The following ROBO2 variants were observed in gnomAD, a reference collection of about 807,000 sequenced individuals.
The protein encoded by ROBO2 is roundabout homolog 2.
In ROBO2, 53 loss-of-function variants were observed where a neutral mutation model predicts 160.8. That is an observed-to-expected ratio of 0.33 (90% CI 0.26 to 0.41). The LOEUF is 0.41. ROBO2 is among the 10% of genes least tolerant of loss of function. The pLI is 1.00. For synonymous variants in ROBO2, 664 were observed against 611.7 expected (o/e 1.09, Z -1.26); for missense variants, 1,577 against 1,722.4 (o/e 0.92, Z 1.49).
chr3:75,921,013 G>A (rs1354095838), intron 1 of ROBO2, among the ~76,000 whole-genome samples: 5 of 151,968 alleles, frequency 3.3e-5, no homozygotes, highest in African/African-American at 7.3e-5. Flanking sequence ...TTTAATTGGG[G>A]CATTTAGCCC....
intron 2 of ROBO2, among the ~76,000 whole-genome samples, chr3:76,347,430 A>T (rs2074596335): frequency 6.6e-6 from 1 of 152,062 alleles, no homozygotes. Flanking sequence ...TTAGGTGTGA[A>T]TTCTCACTTT....
At chr3:77,431,773 G>A (rs977223312) in intron 2 of ROBO2, among the ~76,000 whole-genome samples, 3 of 152,160 alleles carry the variant, frequency 2.0e-5, no homozygotes, top group East Asian at 1.9e-4. Flanking sequence ...TAGAGAAAGT[G>A]TTGACAGTGT....
chr3:76,666,466 C>T (rs1387429271), intron 2 of ROBO2, among the ~76,000 whole-genome samples: 1 of 151,960 alleles, frequency 6.6e-6, no homozygotes, highest in Non-Finnish European at 1.5e-5. Context: ...TTATATCGAA[C>T]AGTAAAACAT....
At chr3:76,682,661 C>A (rs1383236926) in intron 2 of ROBO2, among the ~76,000 whole-genome samples, 3 of 152,122 alleles carry the variant, frequency 2.0e-5, no homozygotes, top group African/African-American at 4.8e-5. Context: ...CTGCCTCTGC[C>A]TCCCAAAGTG....
intron 2 of ROBO2, among the ~76,000 whole-genome samples, chr3:75,988,337 T>TA (rs1453244820): frequency 6.6e-6 from 1 of 152,136 alleles, no homozygotes; most frequent in African/African-American, 2.4e-5. Context: ...ATAGTACTCT[T>TA]ATAATACTTT....
intron 2 of ROBO2, among the ~76,000 whole-genome samples, chr3:77,137,613 T>C (rs1579305237): frequency 6.6e-6 from 1 of 152,236 alleles, no homozygotes; most frequent in Admixed American, 6.5e-5. Context: ...AAAATGATGA[T>C]AAAAGTTGTT....
At chr3:77,533,650 A>C (rs2153636774) in intron 6 of ROBO2, among the ~76,000 whole-genome samples, 1 of 152,226 alleles carries the variant, frequency 6.6e-6, no homozygotes, top group East Asian at 1.9e-4. Flanking sequence ...CAGCGGGGGC[A>C]CCCTGAATTC....
chr3:77,115,863 G>A (rs2074142557), intron 2 of ROBO2, among the ~76,000 whole-genome samples: 1 of 152,198 alleles, frequency 6.6e-6, no homozygotes. Flanking sequence ...CTCAGTTGGA[G>A]TGACCTTTGG....
intron 2 of ROBO2, among the ~76,000 whole-genome samples, chr3:76,346,290 C>A (rs1406550349): frequency 2.0e-5 from 3 of 151,358 alleles, no homozygotes; most frequent in Admixed American, 1.3e-4. Flanking sequence ...CTCTGTTGCC[C>A]AGGCTGGAGT....
chr3:76,084,303 G>C (rs2108047364), intron 2 of ROBO2, among the ~76,000 whole-genome samples: 1 of 152,212 alleles, frequency 6.6e-6, no homozygotes, highest in East Asian at 1.9e-4. Flanking sequence ...ACTTAAGGTG[G>C]AGTTGCTTAG....
intron 2 of ROBO2, among the ~76,000 whole-genome samples, chr3:76,874,692 CAG>C (rs57266881): frequency 0.078 from 11,862 of 152,034 alleles, 615 homozygotes; most frequent in East Asian, 0.22. Flanking sequence ...AAAATATAGA[CAG>C]AAGATAAAAT....
chr3:76,579,061 C>T (rs142017553), intron 2 of ROBO2, among the ~76,000 whole-genome samples: 6 of 152,174 alleles, frequency 3.9e-5, no homozygotes, highest in African/African-American at 1.2e-4. Context: ...CACCTTACTT[C>T]GATCATTTTG....
intron 2 of ROBO2, among the ~76,000 whole-genome samples, chr3:76,055,985 A>T: frequency 6.6e-6 from 1 of 151,998 alleles, no homozygotes; most frequent in African/African-American, 2.4e-5. Context: ...GTGACTCACG[A>T]CTCATTCAAC....
At chr3:76,744,830 T>A (rs2093859148) in intron 2 of ROBO2, among the ~76,000 whole-genome samples, 1 of 152,188 alleles carries the variant, frequency 6.6e-6, no homozygotes, top group East Asian at 1.9e-4. Context: ...AAAAGTATAA[T>A]ATTTTAGCTT....
At chr3:77,467,282 A>G (rs2082861728) in intron 2 of ROBO2, among the ~76,000 whole-genome samples, 1 of 152,206 alleles carries the variant, frequency 6.6e-6, no homozygotes, top group Admixed American at 6.5e-5. Context: ...AAATATATGT[A>G]AAAGAGATTT....
At chr3:76,978,969 G>T (rs1222391188) in intron 2 of ROBO2, among the ~76,000 whole-genome samples, 1 of 151,360 alleles carries the variant, frequency 6.6e-6, no homozygotes, top group African/African-American at 2.4e-5. Flanking sequence ...GAAAAACAGG[G>T]TCTTGCCCTG....
chr3:76,421,438 G>A (rs2108927876), intron 2 of ROBO2, among the ~76,000 whole-genome samples: 1 of 151,758 alleles, frequency 6.6e-6, no homozygotes, highest in South Asian at 2.1e-4. Flanking sequence ...TATTAAGAGT[G>A]TGTGTAGGCT....
chr3:76,844,268 T>A (rs1435049887), intron 2 of ROBO2, among the ~76,000 whole-genome samples: 7 of 151,964 alleles, frequency 4.6e-5, no homozygotes, highest in Non-Finnish European at 1.5e-5. Flanking sequence ...TAAAATATGG[T>A]TTTGCAATCT....
chr3:76,853,139 T>C (rs920000641), intron 2 of ROBO2, among the ~76,000 whole-genome samples: 6 of 152,112 alleles, frequency 3.9e-5, no homozygotes, highest in Non-Finnish European at 7.4e-5. Context: ...ATTGTTACTA[T>C]TTAACTCTTG....
Sources: gnomAD v4.1 joint callset for allele counts (sites outside exome capture counted in the v4.1 genomes callset) on GRCh38, gnomAD v4.1.1 for gene constraint, MANE v1.5 for transcripts, NCBI Gene and HGNC (gene_info 2026-07-23, HGNC 2026-07-21) for gene names.